The following ARHGAP24 variants were observed in gnomAD, a reference collection of about 807,000 sequenced individuals.
ARHGAP24 encodes the protein rho GTPase-activating protein 24.
In ARHGAP24, 50 loss-of-function variants were observed where a neutral mutation model predicts 76.4. That is an observed-to-expected ratio of 0.65 (90% CI 0.52 to 0.83). The LOEUF (loss-of-function observed/expected upper bound fraction) is 0.83, where lower values mean the gene tolerates loss of function less well. ARHGAP24 is among the 40% of genes least tolerant of loss of function. The pLI is 0.00. For synonymous variants in ARHGAP24, 345 were observed against 323.3 expected, an observed-to-expected ratio of 1.07 and a Z score of -0.72; for missense variants, 930 against 914.2, an observed-to-expected ratio of 1.02 and a Z score of -0.22.
intron 2 of ARHGAP24, among the ~76,000 whole-genome samples, chr4:85,713,172 C>G (rs892301735): frequency 6.6e-6 from 1 of 152,040 alleles, no homozygotes; most frequent in African/African-American, 2.4e-5. Flanking sequence ...GTGGCATGCA[C>G]CTGGAGTCCC....
intron 3 of ARHGAP24, among the ~76,000 whole-genome samples, chr4:85,844,315 G>A (rs376185712): frequency 3.9e-5 from 6 of 152,116 alleles, no homozygotes; most frequent in South Asian, 2.1e-4. Context: ...TGAACTGTTC[G>A]TTACAGCATC....
Position 85,923,648 on chromosome 4 carries a change from G to T in ARHGAP24, c.269G>T (p.Gly90Val). 1.9e-6 allele frequency: 3 copies of T among 1,613,552 alleles called. No homozygotes were observed. Among genetic ancestry groups the T allele is most frequent in the Non-Finnish European group, 2.5e-6 (3 of 1,179,740 alleles). Residue 90 changes from glycine to valine, a missense_variant and splice_region_variant, in exon 4 of 10, where the codon GGA becomes GTA. Physicochemically the swap from Gly to Val is moderately radical, Grantham distance 109 (BLOSUM62 -3). Coordinates refer to ENST00000395184, the MANE Select transcript of ARHGAP24 (RefSeq NM_001025616.3). ...PGKFLFEVVP[G>V]GDRDRMTANH... ...CTGCATTGTTACTGTGTTTTCACAGGAGGCGATCGAGATCGGATGACAGCA... is the reference window on the plus strand; with the variant it reads ...CTGCATTGTTACTGTGTTTTCACAGTAGGCGATCGAGATCGGATGACAGCA...
chr4:85,783,338 T>C (rs1560630754), intron 3 of ARHGAP24, among the ~76,000 whole-genome samples: 1 of 152,214 alleles, frequency 6.6e-6, no homozygotes, highest in Non-Finnish European at 1.5e-5. Context: ...ATGGCTCCTA[T>C]TGTTGGGGAC....
chr4:85,930,435 A>C lies in ARHGAP24; in HGVS notation c.391+6665A>C, dbSNP rs1379680499. The C allele has an allele frequency of 8.1e-6, 8 of 986,368 alleles. No individual in the cohort carries two copies. The African/African-American group carries it at 1.4e-4, about 17-fold the overall frequency. 61.1% of individuals were successfully genotyped at this position (986,368 alleles called of 1,614,324 possible). On this transcript the variant is annotated intron_variant, in intron 4 of 9. Coordinates refer to ENST00000395184, the MANE Select transcript of ARHGAP24 (RefSeq NM_001025616.3). ...ATTTTCCTCCCCTCTTGCTCAGATG[A>C]AAGGAGCCAGCAAGGACAGTCCTGA...
At position 85,475,380 on chromosome 4, in the gene ARHGAP24, C is replaced by T. The variant is rs34267869; in HGVS notation, c.-200C>T. 0.025 allele frequency: 3,785 copies of T among 152,908 alleles called. 69 individuals are homozygous for T. The highest frequency in any genetic ancestry group is 0.031 in the Non-Finnish European group (2,085 of 68,172). The allele number at this position is 152,908 out of a possible 1,614,324, so 9.5% of individuals were successfully genotyped here. On this transcript the variant is annotated 5_prime_UTR_variant, in exon 1 of 10. Coordinates refer to ENST00000395184, the MANE Select transcript of ARHGAP24 (RefSeq NM_001025616.3). The stretch of plus-strand genomic sequence containing the variant: ...CGCAGCTCTCTCGGCCGCCTATTTC[C>T]TCCGAAACCCGCGCTGCGGAGCAGC...
In ARHGAP24 at chr4:85,935,564, T is replaced by G. The variant is rs142663182; in HGVS notation, c.392-6502T>G. On this transcript the variant is annotated intron_variant, in intron 4 of 9. Coordinates refer to ENST00000395184, the MANE Select transcript of ARHGAP24 (RefSeq NM_001025616.3). ...TTTGAATTCAATTAACATAACATAGTGAAAAATGAAAGACTTTTAGAATCA... is the reference window on the plus strand; with the variant it reads ...TTTGAATTCAATTAACATAACATAGGGAAAAATGAAAGACTTTTAGAATCA... Among the ~76,000 whole-genome samples the G allele has an allele frequency of 3.3e-5, 5 of 152,322 alleles. No individual in the cohort carries two copies. In the East Asian group the frequency reaches 9.6e-4, roughly 29 times the overall value.
rs1740526296 is a variant in ARHGAP24 at position 85,994,519 on chromosome 4, C to T, written c.929-64C>T. 3.4e-6 allele frequency: 5 copies of T among 1,462,920 alleles called. No individual in the cohort carries two copies. In the Admixed American group the frequency reaches 8.4e-5, roughly 24 times the overall value. 90.6% of individuals were successfully genotyped at this position (1,462,920 alleles called of 1,614,324 possible). On this transcript the variant is annotated intron_variant, in intron 8 of 9. Transcript: ENST00000395184. ...CTTGAATGTGTTTCTTTAAGAGTCA[C>T]ATTGAAATAGAAATAAATAAAAACT...
In ARHGAP24 at chr4:86,000,556, T is replaced by A. The variant is rs1216364515; in HGVS notation, c.2081T>A (p.Phe694Tyr). The A allele has an allele frequency of 6.2e-7, 1 of 1,609,258 alleles. No homozygotes were observed. The highest frequency in any genetic ancestry group is 1.7e-5 in the Admixed American group (1 of 59,272). The part of the protein sequence containing the change: ...HDELDQERKK[F>Y]TMIEIKMRNA... ...GAACTGGATCAGGAGAGGAAAAAGT[T>A]CACAATGATAGAAATAAAAATGCGA... The change falls in exon 10 of 10, where the codon TTC (phenylalanine) becomes TAC (tyrosine). Residue 694 changes from phenylalanine (F) to tyrosine (Y), a missense_variant. Transcript: ENST00000395184.
chr4:85,929,180 T>C (rs1471906122), intron 4 of ARHGAP24, among the ~76,000 whole-genome samples: 1 of 152,218 alleles, frequency 6.6e-6, no homozygotes, highest in Non-Finnish European at 1.5e-5. Flanking sequence ...GTCTCTGTCT[T>C]CGTGGTGCTG....
chr4:85,531,603 T>C (rs1224784068), intron 1 of ARHGAP24, among the ~76,000 whole-genome samples: 1 of 152,134 alleles, frequency 6.6e-6, no homozygotes, highest in Non-Finnish European at 1.5e-5. Context: ...TCCTTAATAC[T>C]GGTATTTCAG....
At chr4:85,759,479 T>C (rs145068138) in intron 3 of ARHGAP24, among the ~76,000 whole-genome samples, 2 of 152,250 alleles carry the variant, frequency 1.3e-5, no homozygotes, top group East Asian at 3.9e-4. Flanking sequence ...ATGGCTGTAA[T>C]ATTGGCAAAG....
chr4:85,960,585 A>G (rs543788125), intron 5 of ARHGAP24, among the ~76,000 whole-genome samples: 13 of 152,280 alleles, frequency 8.5e-5, no homozygotes, highest in Non-Finnish European at 1.9e-4. Flanking sequence ...TAAATATTCG[A>G]TGAATAAGTC....
chr4:85,769,392 T>G (rs1236728975), intron 3 of ARHGAP24, among the ~76,000 whole-genome samples: 4 of 152,194 alleles, frequency 2.6e-5, no homozygotes, highest in African/African-American at 7.2e-5. Flanking sequence ...AGATTTTTTT[T>G]GTGGGAAAAG....
chr4:85,559,196 G>A (rs987144461), intron 1 of ARHGAP24, among the ~76,000 whole-genome samples: 1 of 152,104 alleles, frequency 6.6e-6, no homozygotes, highest in Admixed American at 6.5e-5. Context: ...TACTGCCATT[G>A]CTCTCCCATC....
intron 2 of ARHGAP24, among the ~76,000 whole-genome samples, chr4:85,715,663 A>G (rs1724707531): frequency 6.6e-6 from 1 of 152,110 alleles, no homozygotes; most frequent in South Asian, 2.1e-4. Flanking sequence ...TTATATAGCC[A>G]GAACACTTAT....
chr4:85,756,314 T>G (rs1578200808), intron 3 of ARHGAP24, among the ~76,000 whole-genome samples: 1 of 152,348 alleles, frequency 6.6e-6, no homozygotes, highest in East Asian at 1.9e-4. Context: ...TTTTAGGAAC[T>G]GGACATTATG....
intron 3 of ARHGAP24, among the ~76,000 whole-genome samples, chr4:85,820,100 G>A (rs532692666): frequency 6.6e-6 from 1 of 152,278 alleles, no homozygotes; most frequent in East Asian, 1.9e-4. Flanking sequence ...CTCAAAAGCA[G>A]AATTGCCATT....
intron 2 of ARHGAP24, among the ~76,000 whole-genome samples, chr4:85,574,696 T>G (rs1440406557): frequency 2.0e-5 from 3 of 152,210 alleles, no homozygotes; most frequent in Admixed American, 1.3e-4. Context: ...TGACAGTTGT[T>G]TCCTAATACA....
chr4:85,564,924 G>GTATATACATATA (rs1553914960), intron 1 of ARHGAP24, among the ~76,000 whole-genome samples: 2 of 53,258 alleles, frequency 3.8e-5, no homozygotes, highest in South Asian at 1.0e-3. Flanking sequence ...AACACACACG[G>GTATATACATATA]TATATATATA....
Sources: allele counts gnomAD v4.1 joint callset (sites outside exome capture counted in the v4.1 genomes callset), GRCh38; gene constraint gnomAD v4.1.1; transcripts MANE v1.5; gene names NCBI Gene and HGNC (gene_info 2026-07-23, HGNC 2026-07-21).